The following UBE2E2 variants were observed in gnomAD, a reference collection of about 807,000 sequenced individuals.
UBE2E2 encodes the protein ubiquitin conjugating enzyme E2 E2.
UBE2E2 carries 6 observed loss-of-function variants against 24.7 expected under a neutral mutation model. That is an observed-to-expected ratio of 0.24 (90% confidence interval 0.13 to 0.48). UBE2E2 has a LOEUF of 0.48. Among genes scored for constraint, UBE2E2 ranks in the 20% least tolerant of loss-of-function variants. UBE2E2 has a pLI of 0.99. For synonymous variants in UBE2E2, 104 were observed against 83.6 expected (o/e 1.24, Z -1.33); for missense variants, 169 against 245.0 (o/e 0.69, Z 2.07).
chr3:23,216,222 AATTAT>A (rs141121265), intron 2 of UBE2E2, among the ~76,000 whole-genome samples: 2,471 of 152,226 alleles, frequency 0.016, 27 homozygotes, highest in Middle Eastern at 0.041. Context: ...GAGAAGTCAC[AATTAT>A]ATTAGTAGCA....
At chr3:23,298,607 T>C (rs1321078211) in intron 3 of UBE2E2, among the ~76,000 whole-genome samples, 3 of 151,952 alleles carry the variant, frequency 2.0e-5, no homozygotes, top group Non-Finnish European at 2.9e-5. Context: ...TTTGCATATA[T>C]TGAACCAGCC....
At chr3:23,432,063 A>G (rs2125401177) in intron 3 of UBE2E2, among the ~76,000 whole-genome samples, 2 of 152,306 alleles carry the variant, frequency 1.3e-5, no homozygotes, top group East Asian at 3.9e-4. Flanking sequence ...AGTACAGAAA[A>G]TTTGGATAAA....
intron 3 of UBE2E2, among the ~76,000 whole-genome samples, chr3:23,286,261 C>G (rs1698612670): frequency 6.6e-6 from 1 of 152,090 alleles, no homozygotes; most frequent in South Asian, 2.1e-4. Context: ...GTCCAGTGTC[C>G]TGGAGAGTTT....
intron 5 of UBE2E2, among the ~76,000 whole-genome samples, chr3:23,556,364 A>G (rs1695781960): frequency 1.4e-5 from 2 of 146,650 alleles, no homozygotes; most frequent in African/African-American, 5.1e-5. Flanking sequence ...GATGGTCTCA[A>G]TCTCTTGACC....
chr3:23,352,022 T>A (rs4858071), intron 3 of UBE2E2, among the ~76,000 whole-genome samples: 2 of 152,028 alleles, frequency 1.3e-5, no homozygotes, highest in South Asian at 4.2e-4. Flanking sequence ...ACAGAAATTA[T>A]AACAAACTGT....
intron 3 of UBE2E2, among the ~76,000 whole-genome samples, chr3:23,258,439 A>C (rs1697797380): frequency 6.6e-6 from 1 of 152,224 alleles, no homozygotes; most frequent in Non-Finnish European, 1.5e-5. Flanking sequence ...CTGTTGAAAA[A>C]AGTCACCTAA....
rs201490292 is a variant in UBE2E2 at position 23,515,799 on chromosome 3, G to GAA, written c.360+16072_360+16073dup. On this transcript the variant is annotated intron_variant, in intron 4 of 5. Coordinates refer to ENST00000396703, the MANE Select transcript of UBE2E2 (RefSeq NM_152653.4). ...TAGTGAGATCGCATCTCTACAAAAA[G>GAA]AAAAAAAAAAAAAAGAAAAGAAAAA... is the stretch of plus-strand genomic sequence containing the variant. Among the ~76,000 whole-genome samples the GAA allele has an allele frequency of 1.3e-4, 16 of 120,630 alleles. No individual in the cohort carries two copies. The East Asian group carries it at 2.2e-3, about 17-fold the overall frequency. 79.1% of individuals were successfully genotyped at this position (120,630 alleles called of 152,430 possible). A position where few individuals can be genotyped will look rare whatever the true frequency, so the allele number is the denominator to read the frequency against.
chr3:23,333,191 G>A (rs1351070871), intron 3 of UBE2E2, among the ~76,000 whole-genome samples: 1 of 152,158 alleles, frequency 6.6e-6, no homozygotes, highest in African/African-American at 2.4e-5. Flanking sequence ...GGATCATGGA[G>A]GCATGTCAAA....
intron 5 of UBE2E2, among the ~76,000 whole-genome samples, chr3:23,549,868 TCTAAAAATACAC>T (rs1301705338): frequency 6.6e-6 from 1 of 151,864 alleles, no homozygotes; most frequent in African/African-American, 2.4e-5. Flanking sequence ...CCCTGTGTCT[TCTAAAAATACAC>T]TAATTAGCTG....
intron 5 of UBE2E2, among the ~76,000 whole-genome samples, chr3:23,537,186 G>A (rs557546069): frequency 2.0e-5 from 3 of 152,120 alleles, no homozygotes; most frequent in Non-Finnish European, 2.9e-5. Context: ...TTCCCCTGTC[G>A]TCTGCCTTCA....
At position 23,203,411 on chromosome 3, in the gene UBE2E2, C is replaced by G; in HGVS notation, c.-62C>G. The G allele has an allele frequency of 4.1e-6, 4 of 984,882 alleles. No individual in the cohort carries two copies. Among genetic ancestry groups the G allele is most frequent in the Non-Finnish European group, 4.8e-6 (4 of 829,872 alleles). The allele number at this position is 984,882 out of a possible 1,614,324, so 61.0% of individuals were successfully genotyped here. ...CCCTCCCCCTCGCGCCTGGGCAGCTCTCTCCCAGGGCTTCGGCTCGAGCCT... is the reference window on the plus strand; with the variant it reads ...CCCTCCCCCTCGCGCCTGGGCAGCTGTCTCCCAGGGCTTCGGCTCGAGCCT... On this transcript the variant is annotated 5_prime_UTR_variant, in exon 1 of 6. Transcript: ENST00000396703.
intron 3 of UBE2E2, among the ~76,000 whole-genome samples, chr3:23,437,436 T>G (rs1470417470): frequency 6.6e-6 from 1 of 152,224 alleles, no homozygotes; most frequent in Non-Finnish European, 1.5e-5. Flanking sequence ...AGTATTTTAA[T>G]AGATTAGGTT....
At chr3:23,379,837 G>C (rs1174905888) in intron 3 of UBE2E2, among the ~76,000 whole-genome samples, 1 of 152,086 alleles carries the variant, frequency 6.6e-6, no homozygotes, top group African/African-American at 2.4e-5. Context: ...AATATGCAAA[G>C]ACCTAGGGCA....
At chr3:23,291,150 C>A (rs990089789) in intron 3 of UBE2E2, among the ~76,000 whole-genome samples, 2 of 151,390 alleles carry the variant, frequency 1.3e-5, no homozygotes, top group Non-Finnish European at 2.9e-5. Context: ...GCAGATTCTC[C>A]TTGGGGTAGA....
chr3:23,426,587 A>G (rs968104655), intron 3 of UBE2E2, among the ~76,000 whole-genome samples: 14 of 152,192 alleles, frequency 9.2e-5, no homozygotes, highest in African/African-American at 3.4e-4. Flanking sequence ...GTGAAGTGAA[A>G]TAATTAGTGT....
At chr3:23,478,791 A>G (rs1699191771) in intron 3 of UBE2E2, among the ~76,000 whole-genome samples, 1 of 152,098 alleles carries the variant, frequency 6.6e-6, no homozygotes, top group African/African-American at 2.4e-5. Context: ...CTATAATCCC[A>G]ACACTTTGAG....
intron 3 of UBE2E2, among the ~76,000 whole-genome samples, chr3:23,386,603 A>G (rs1172900395): frequency 6.6e-6 from 1 of 152,226 alleles, no homozygotes; most frequent in East Asian, 1.9e-4. Context: ...ATTTATTTTC[A>G]TGGATTTATT....
chr3:23,489,769 A>T (rs934062895), intron 3 of UBE2E2, among the ~76,000 whole-genome samples: 1 of 152,152 alleles, frequency 6.6e-6, no homozygotes, highest in African/African-American at 2.4e-5. Flanking sequence ...CCTGGATTAG[A>T]GGGTTCAGGT....
chr3:23,417,506 C>G (rs1438484303), intron 3 of UBE2E2, among the ~76,000 whole-genome samples: 1 of 152,194 alleles, frequency 6.6e-6, no homozygotes, highest in African/African-American at 2.4e-5. Flanking sequence ...GGAGGTGTCT[C>G]CCAGTCAGGA....
Sources: gnomAD v4.1 joint callset for allele counts (sites outside exome capture counted in the v4.1 genomes callset) on GRCh38, gnomAD v4.1.1 for gene constraint, MANE v1.5 for transcripts, NCBI Gene and HGNC (gene_info 2026-07-23, HGNC 2026-07-21) for gene names.